The following DMRT1 variants were observed in gnomAD, a reference collection of about 807,000 sequenced individuals.
DMRT1 encodes doublesex and mab-3 related transcription factor 1.
DMRT1 carries 7 observed loss-of-function variants against 32.3 expected under a neutral mutation model. The observed-to-expected ratio is 0.22, with a 90% CI of 0.12 to 0.41. The LOEUF (loss-of-function observed/expected upper bound fraction) is 0.41, where lower values mean the gene tolerates loss of function less well. Among genes scored for constraint, DMRT1 ranks in the 10% least tolerant of loss-of-function variants. The pLI, the probability that DMRT1 is intolerant of heterozygous loss-of-function variation, is 1.00. For synonymous variants in DMRT1, 278 were observed against 206.1 expected (o/e 1.35, Z -2.99); for missense variants, 625 against 500.5 (o/e 1.25, Z -2.37).
chr9:871,739 G>A (rs1426965166), intron 2 of DMRT1, among the ~76,000 whole-genome samples: 1 of 151,232 alleles, frequency 6.6e-6, no homozygotes, highest in Non-Finnish European at 1.5e-5. Flanking sequence ...CTCCCAAAGT[G>A]CTGGGATTAC....
At chr9:942,606 A>G (rs1467372467) in intron 4 of DMRT1, among the ~76,000 whole-genome samples, 5 of 152,186 alleles carry the variant, frequency 3.3e-5, no homozygotes, top group South Asian at 2.1e-4. Flanking sequence ...TAAAATTGCA[A>G]TGATGATCTC....
intron 4 of DMRT1, among the ~76,000 whole-genome samples, chr9:956,196 A>G (rs1173569785): frequency 6.6e-6 from 1 of 152,246 alleles, no homozygotes; most frequent in Non-Finnish European, 1.5e-5. Flanking sequence ...GTATGAGTCC[A>G]TTTATATGAG....
intron 2 of DMRT1, among the ~76,000 whole-genome samples, chr9:888,719 T>C (rs940775343): frequency 1.7e-4 from 25 of 143,538 alleles, no homozygotes; most frequent in Middle Eastern, 7.0e-3. Context: ...GTCAGGACTG[T>C]CACAGCGATG....
At chr9:903,261 G>A (rs1344092381) in intron 3 of DMRT1, among the ~76,000 whole-genome samples, 2 of 151,400 alleles carry the variant, frequency 1.3e-5, no homozygotes, top group Non-Finnish European at 2.9e-5. Context: ...GAGAGTCCTT[G>A]CCCACCCCCA....
At chr9:850,680 G>C (rs1466324532) in intron 2 of DMRT1, among the ~76,000 whole-genome samples, 1 of 152,126 alleles carries the variant, frequency 6.6e-6, no homozygotes, top group Admixed American at 6.6e-5. Flanking sequence ...TGTCTAATTA[G>C]CTTTTTTCAT....
chr9:884,135 T>C (rs1023577333), intron 2 of DMRT1, among the ~76,000 whole-genome samples: 9 of 152,084 alleles, frequency 5.9e-5, no homozygotes, highest in Non-Finnish European at 1.5e-5. Context: ...TGAGTGTGGA[T>C]CCAGATTTGA....
chr9:901,138 CT>C (rs1817557371), intron 3 of DMRT1, among the ~76,000 whole-genome samples: 1 of 152,062 alleles, frequency 6.6e-6, no homozygotes, highest in African/African-American at 2.4e-5. Flanking sequence ...CCTCAGCCCC[CT>C]CAGTAGCTGA....
chr9:889,596 A>T (rs1296185154), intron 2 of DMRT1, among the ~76,000 whole-genome samples: 1 of 152,226 alleles, frequency 6.6e-6, no homozygotes, highest in African/African-American at 2.4e-5. Flanking sequence ...TATTGAAGCC[A>T]TTCTCTTGTT....
At chr9:934,508 G>C (rs1285114976) in intron 4 of DMRT1, among the ~76,000 whole-genome samples, 3 of 151,420 alleles carry the variant, frequency 2.0e-5, no homozygotes, top group Non-Finnish European at 4.4e-5. Context: ...TCCAGCTTGG[G>C]CAAAAAAATG....
At chr9:897,158 G>T (rs1817402420) in intron 3 of DMRT1, among the ~76,000 whole-genome samples, 2 of 151,122 alleles carry the variant, frequency 1.3e-5, no homozygotes, top group African/African-American at 4.9e-5. Flanking sequence ...TGTCGCCCAG[G>T]CTGGGGTGCA....
At chr9:918,739 C>T (rs910987567) in intron 4 of DMRT1, among the ~76,000 whole-genome samples, 3 of 133,002 alleles carry the variant, frequency 2.3e-5, no homozygotes, top group East Asian at 2.3e-4. Context: ...AAAATCTCAG[C>T]ACTATCTACT....
chr9:899,930 A>G (rs1457794103), intron 3 of DMRT1, among the ~76,000 whole-genome samples: 1 of 152,184 alleles, frequency 6.6e-6, no homozygotes, highest in Non-Finnish European at 1.5e-5. Flanking sequence ...AAATGGCAGC[A>G]CTGGCAGTTA....
At position 922,278 on chromosome 9, in the gene DMRT1, G is replaced by A. The variant is rs559034442; in HGVS notation, c.967+5371G>A. ...GAAACTGGAAAAAAAAAAGTTTAAA[G>A]CAGGCCTCTCCTGCTCCACAGACTG... On this transcript the variant is annotated intron_variant, in intron 4 of 4. Transcript: ENST00000382276. Among the ~76,000 whole-genome samples, 3 of 152,260 alleles carry A rather than the reference G, an allele frequency of 2.0e-5. No individual in the cohort carries two copies. The South Asian group carries it at 6.2e-4, about 32-fold the overall frequency.
chr9:952,285 T>G (rs1314637997), intron 4 of DMRT1, among the ~76,000 whole-genome samples: 3 of 152,208 alleles, frequency 2.0e-5, no homozygotes, highest in Admixed American at 6.5e-5. Flanking sequence ...GCGTGAGTTT[T>G]AGTTAGTTGT....
At chr9:857,563 C>T (rs1353446995) in intron 2 of DMRT1, among the ~76,000 whole-genome samples, 5 of 152,040 alleles carry the variant, frequency 3.3e-5, no homozygotes, top group Admixed American at 1.3e-4. Flanking sequence ...TTCCTGAAAA[C>T]GAGGGAGCAA....
chr9:921,008 T>G (rs958774293), intron 4 of DMRT1, among the ~76,000 whole-genome samples: 1 of 152,236 alleles, frequency 6.6e-6, no homozygotes, highest in African/African-American at 2.4e-5. Flanking sequence ...TAGTAGCCTA[T>G]TTTTTATTGA....
chr9:954,394 G>C (rs1230671290), intron 4 of DMRT1, among the ~76,000 whole-genome samples: 1 of 152,086 alleles, frequency 6.6e-6, no homozygotes, highest in Admixed American at 6.5e-5. Flanking sequence ...TGGTAGGATA[G>C]GGTCATTGGA....
At position 854,109 on chromosome 9, in the gene DMRT1, C is replaced by CT. The variant is rs1815284028; in HGVS notation, c.538+6966_538+6967insT. Among the ~76,000 whole-genome samples the CT allele has an allele frequency of 2.5e-5, 3 of 118,760 alleles. No individual in the cohort carries two copies. In the South Asian group the frequency reaches 8.5e-4, roughly 34 times the overall value. The allele number at this position is 118,760 out of a possible 152,430, so 77.9% of individuals were successfully genotyped here. A position where few individuals can be genotyped will look rare whatever the true frequency, so the allele number is the denominator to read the frequency against. On this transcript the variant is annotated intron_variant, in intron 2 of 4. Transcript: ENST00000382276. Reference sequence around the variant, plus strand: ...TACAGGTGTGAGCCTACACACTAAGCCCATTTTTTTTTTTTAATTTTTCAA... The same window carrying CT: ...TACAGGTGTGAGCCTACACACTAAGCTCCATTTTTTTTTTTTAATTTTTCAA...
intron 4 of DMRT1, among the ~76,000 whole-genome samples, chr9:928,808 ATT>A (rs1443177658): frequency 6.6e-6 from 1 of 151,814 alleles, no homozygotes; most frequent in Admixed American, 6.6e-5. Context: ...TACTAAAATT[ATT>A]TGTTTCTGAA....
Sources: gnomAD v4.1 joint callset for allele counts (sites outside exome capture counted in the v4.1 genomes callset) on GRCh38, gnomAD v4.1.1 for gene constraint, MANE v1.5 for transcripts, NCBI Gene and HGNC (gene_info 2026-07-23, HGNC 2026-07-21) for gene names.